PCSK6: variants seen among roughly 807,000 people sequenced by gnomAD.
The protein encoded by PCSK6 is paired basic amino acid cleaving enzyme 4.
PCSK6 carries 85 observed loss-of-function variants against 123.3 expected under a neutral mutation model. The ratio of observed to expected loss-of-function variants is 0.69; its 90% CI spans 0.58 to 0.83. The LOEUF is 0.83. Among genes scored for constraint, PCSK6 ranks in the 40% least tolerant of loss-of-function variants. The probability of loss-of-function intolerance (pLI) is 0.00; values close to 1 mark genes in which losing one functional copy is unlikely to be tolerated. For missense variants in PCSK6, 1,191 were observed against 1,282.3 expected, an observed-to-expected ratio of 0.93 and a Z score of 1.09; for synonymous variants, 508 against 516.0, an observed-to-expected ratio of 0.98 and a Z score of 0.21.
At chr15:101,331,757 C>A in intron 14 of PCSK6, 68 bp from the exon 15 acceptor site, 1 of 1,600,782 alleles carries the variant, frequency 6.2e-7, no homozygotes. Flanking sequence ...CCATCAGCCC[C>A]ACCTTTGCCA....
At chr15:101,330,808 A>G (rs1411459237) in intron 15 of PCSK6, among the ~76,000 whole-genome samples, 2 of 152,242 alleles carry the variant, frequency 1.3e-5, no homozygotes, top group Non-Finnish European at 2.9e-5. Flanking sequence ...TCACAGGGGG[A>G]AACAGAGCAG....
intron 6 of PCSK6, among the ~76,000 whole-genome samples, chr15:101,407,178 C>G (rs897912982): frequency 6.6e-6 from 1 of 152,174 alleles, no homozygotes; most frequent in Non-Finnish European, 1.5e-5. Flanking sequence ...GTCAGAGAGT[C>G]CTGGAGCGGA....
chr15:101,307,210 C>A lies in PCSK6; in HGVS notation c.2812+3G>T. ...GCCCCAGGGTAACCCAGCTGCTGCT[C>A]ACCGTTGCTGCACGTGTGGTTGGTG... On this transcript the variant is annotated splice_donor_region_variant and intron_variant, in intron 21 of 21. Transcript: ENST00000611716. The A allele has an allele frequency of 6.2e-7, 1 of 1,609,712 alleles. No homozygotes were observed.
chr15:101,344,540 C>A (rs1186155173), intron 13 of PCSK6, among the ~76,000 whole-genome samples: 2 of 152,198 alleles, frequency 1.3e-5, no homozygotes, highest in African/African-American at 4.8e-5. Context: ...GCTGGAGTTT[C>A]CCCTTGGCTG....
At chr15:101,415,231 A>G (rs1189006459) in intron 6 of PCSK6, among the ~76,000 whole-genome samples, 3 of 152,254 alleles carry the variant, frequency 2.0e-5, no homozygotes, top group Admixed American at 2.0e-4. Flanking sequence ...TTCTGAATGA[A>G]CTTGATAGAA....
chr15:101,479,946 T>C (rs1273977936), intron 1 of PCSK6, among the ~76,000 whole-genome samples: 1 of 152,178 alleles, frequency 6.6e-6, no homozygotes, highest in African/African-American at 2.4e-5. Context: ...TGTCCGCCTG[T>C]GGCAAGCCCA....
At chr15:101,386,675 CTTCCT>C (rs1247311621) in intron 9 of PCSK6, among the ~76,000 whole-genome samples, 5 of 152,232 alleles carry the variant, frequency 3.3e-5, no homozygotes, top group Non-Finnish European at 5.9e-5. Flanking sequence ...TCCGAATCTC[CTTCCT>C]TTCAAGGCTG....
intron 1 of PCSK6, among the ~76,000 whole-genome samples, chr15:101,460,361 C>T (rs1042082938): frequency 6.6e-6 from 1 of 152,182 alleles, no homozygotes; most frequent in African/African-American, 2.4e-5. Context: ...ATGCTGTCCC[C>T]TCTACCCAGG....
chr15:101,414,674 T>C (rs1402064825), intron 6 of PCSK6, among the ~76,000 whole-genome samples: 2 of 151,980 alleles, frequency 1.3e-5, no homozygotes, highest in African/African-American at 4.8e-5. Flanking sequence ...TTCAACCCAT[T>C]AGAATGAAAG....
intron 15 of PCSK6, among the ~76,000 whole-genome samples, chr15:101,326,965 G>GC (rs111819689): frequency 0.045 from 6,897 of 152,118 alleles, 211 homozygotes; most frequent in African/African-American, 0.081. Context: ...GAATTAGGTA[G>GC]CCCCCCCGCA....
intron 8 of PCSK6, 94 bp from the exon 9 acceptor site, chr15:101,389,658 C>G: frequency 1.1e-6 from 1 of 933,636 alleles, no homozygotes. Flanking sequence ...CACTAACTGG[C>G]AAGCGTGACC....
At chr15:101,369,226 G>A (rs560789412) in intron 12 of PCSK6, among the ~76,000 whole-genome samples, 304 of 152,246 alleles carry the variant, frequency 2.0e-3, no homozygotes, top group Non-Finnish European at 4.0e-3. Flanking sequence ...CAATCCTCTG[G>A]ACAATGGCCC....
At chr15:101,402,951 G>T (rs1302311109) in intron 6 of PCSK6, among the ~76,000 whole-genome samples, 3,532 of 152,158 alleles carry the variant, frequency 0.023, 141 homozygotes, top group African/African-American at 0.081. Context: ...AAATCATGCT[G>T]CTATAAAGAC....
At chr15:101,366,834 G>A (rs1025788369) in intron 12 of PCSK6, among the ~76,000 whole-genome samples, 24 of 152,230 alleles carry the variant, frequency 1.6e-4, no homozygotes, top group African/African-American at 5.5e-4. Flanking sequence ...GTTTGTGCAA[G>A]AATGAAACTT....
Position 101,427,909 on chromosome 15 carries a change from T to A in PCSK6, c.806A>T (p.Tyr269Phe). 1 of 1,581,530 alleles carries A rather than the reference T, an allele frequency of 6.3e-7. No individual in the cohort carries two copies. Among genetic ancestry groups the A allele is most frequent in the South Asian group, 1.2e-5 (1 of 86,058 alleles). Residue 269 changes from tyrosine to phenylalanine, a missense_variant, in exon 6 of 22, where the codon TAC becomes TTC. Tyr to Phe is a conservative substitution (Grantham distance 22). This residue lies in a region of PCSK6 where 357 missense variants were observed against 484.5 expected (regional missense o/e 0.74). Coordinates refer to ENST00000611716, the MANE Select transcript of PCSK6 (RefSeq NM_002570.5). ...NNSYCIVGIA[Y>F]NAKIGGIRML... is the part of the protein sequence containing the mutation. ...GGCCTTACCTCCTATTTTGGCATTG[T>A]ACGCTATGCCCACGATGCAGTAGGA...
intron 2 of PCSK6, among the ~76,000 whole-genome samples, chr15:101,436,074 G>C (rs1304222421): frequency 1.3e-5 from 2 of 152,034 alleles, no homozygotes; most frequent in African/African-American, 2.4e-5. Flanking sequence ...TCACCAAAGA[G>C]AGCATGAAAT....
chr15:101,391,049 G>A (rs2042220345), intron 8 of PCSK6, among the ~76,000 whole-genome samples: 1 of 152,170 alleles, frequency 6.6e-6, no homozygotes, highest in Admixed American at 6.5e-5. Flanking sequence ...GTCTAGGGAA[G>A]GTGGGGGTCT....
At chr15:101,443,351 G>A (rs1474639389) in intron 2 of PCSK6, among the ~76,000 whole-genome samples, 1 of 152,152 alleles carries the variant, frequency 6.6e-6, no homozygotes. Flanking sequence ...ATTGTGTTTT[G>A]TTGATTTTAA....
chr15:101,370,212 G>C (rs1195010108), intron 12 of PCSK6, 123 bp downstream of exon 12: 14 of 744,366 alleles, frequency 1.9e-5, no homozygotes, highest in Non-Finnish European at 2.7e-5. Flanking sequence ...AGCAGAACCA[G>C]TGGGAGTCCC....
Sources: allele counts gnomAD v4.1 joint callset (sites outside exome capture counted in the v4.1 genomes callset), GRCh38; gene constraint gnomAD v4.1.1; regional missense constraint gnomAD v4.1.1; transcripts MANE v1.5; gene names NCBI Gene and HGNC (gene_info 2026-07-23, HGNC 2026-07-21).